TNPO1: variants seen among roughly 807,000 people sequenced by gnomAD.
The protein encoded by TNPO1 is transportin-1.
TNPO1 carries 8 observed loss-of-function variants against 119.5 expected under a neutral mutation model. That is an observed-to-expected ratio of 0.07 (90% CI 0.04 to 0.12). TNPO1 has a LOEUF of 0.12. TNPO1 is among the 10% of genes least tolerant of loss of function. The probability of loss-of-function intolerance (pLI) is 1.00; values close to 1 mark genes in which losing one functional copy is unlikely to be tolerated. For synonymous variants in TNPO1, 362 were observed against 363.0 expected (o/e 1.00, Z 0.03); for missense variants, 576 against 1,089.8 (o/e 0.53, Z 6.64).
chr5:72,876,397 G>A (rs748948207), intron 8 of TNPO1, among the ~76,000 whole-genome samples: 1 of 152,232 alleles, frequency 6.6e-6, no homozygotes, highest in Admixed American at 6.5e-5. Context: ...AATCACGTGA[G>A]TGAATTTGGC....
intron 1 of TNPO1, among the ~76,000 whole-genome samples, chr5:72,829,618 C>G (rs1472282268): frequency 6.6e-6 from 1 of 152,190 alleles, no homozygotes; most frequent in South Asian, 2.1e-4. Context: ...TGAAGTATGA[C>G]TATTCCTTGT....
intron 5 of TNPO1, among the ~76,000 whole-genome samples, chr5:72,864,152 TAACA>T (rs1214866903): frequency 6.6e-6 from 1 of 152,180 alleles, no homozygotes; most frequent in African/African-American, 2.4e-5. Context: ...AAAAAAACCT[TAACA>T]ATTGAATATG....
intron 3 of TNPO1, among the ~76,000 whole-genome samples, chr5:72,855,151 A>G (rs566739408): frequency 4.1e-4 from 62 of 152,068 alleles, no homozygotes; most frequent in Admixed American, 1.4e-3. Context: ...ACACACCACC[A>G]TGCCTGGCTA....
intron 9 of TNPO1, chr5:72,878,927 G>A (rs1748025964): frequency 2.0e-6 from 1 of 509,046 alleles, no homozygotes. Context: ...TCAGCAGGAA[G>A]ATTGCTTTGA....
intron 21 of TNPO1, among the ~76,000 whole-genome samples, 168 bp downstream of exon 21, chr5:72,900,249 C>T (rs1228328679): frequency 6.6e-6 from 1 of 152,062 alleles, no homozygotes; most frequent in Non-Finnish European, 1.5e-5. Flanking sequence ...TCAATAGCAT[C>T]GTCATGTATA....
At position 72,893,720 on chromosome 5, in the gene TNPO1, CT is replaced by C; in HGVS notation, c.2143+18del. 6.2e-7 allele frequency: 1 copy of C among 1,605,830 alleles called. No individual in the cohort carries two copies. Among genetic ancestry groups the C allele is most frequent in the Non-Finnish European group, 8.5e-7 (1 of 1,173,126 alleles). On this transcript the variant is annotated intron_variant, in intron 18 of 24. Transcript: ENST00000337273. ...CTTGTATAGGTATGAATATTTTCTACTGCTATGAATATGGTTTTTTAAAGTT... is the reference window on the plus strand; with the variant it reads ...CTTGTATAGGTATGAATATTTTCTACGCTATGAATATGGTTTTTTAAAGTT...
At chr5:72,891,614 G>T (rs576209652) in intron 14 of TNPO1, among the ~76,000 whole-genome samples, 196 bp from the exon 15 acceptor site, 1 of 152,204 alleles carries the variant, frequency 6.6e-6, no homozygotes, top group Admixed American at 6.5e-5. Context: ...CTAGAACACG[G>T]TCATGTAAGT....
At chr5:72,900,424 T>C (rs1212245285) in intron 21 of TNPO1, among the ~76,000 whole-genome samples, 2 of 152,198 alleles carry the variant, frequency 1.3e-5, no homozygotes, top group Admixed American at 1.3e-4. Flanking sequence ...ATTACGTTTC[T>C]TTTTTAGAAT....
intron 8 of TNPO1, among the ~76,000 whole-genome samples, chr5:72,876,823 G>A (rs934045980): frequency 3.9e-5 from 6 of 152,122 alleles, no homozygotes; most frequent in South Asian, 2.1e-4. Context: ...GGCCGGGTGC[G>A]GTGGCTCACA....
chr5:72,828,468 A>G (rs947716018), intron 1 of TNPO1, among the ~76,000 whole-genome samples: 1 of 152,158 alleles, frequency 6.6e-6, no homozygotes, highest in African/African-American at 2.4e-5. Flanking sequence ...GGATTCACCA[A>G]TTTTTAACAT....
In TNPO1 at chr5:72,883,133, A is replaced by G; in HGVS notation, c.1051A>G (p.Arg351Gly). 6.2e-7 allele frequency: 1 copy of G among 1,614,108 alleles called. No homozygotes were observed. The highest frequency in any genetic ancestry group is 8.5e-7 in the Non-Finnish European group (1 of 1,179,972). ...QDIRPRFHRS[R>G]TVAQQHDEDG... The stretch of plus-strand genomic sequence containing the variant: ...TATACGGCCACGTTTTCACCGATCG[A>G]GGACGGTGGCTCAGCAGCATGATGA... The change falls in exon 11 of 25, where the codon AGG (arginine) becomes GGG (glycine). Residue 351 changes from arginine (R) to glycine (G), a missense_variant. Transcript: ENST00000337273.
At chr5:72,819,389 G>A (rs1042544908) in intron 1 of TNPO1, among the ~76,000 whole-genome samples, 1 of 152,212 alleles carries the variant, frequency 6.6e-6, no homozygotes, top group Admixed American at 6.5e-5. Context: ...AGTTAGGAGA[G>A]GTTTTCAAAA....
At chr5:72,836,328 C>G (rs1252714417) in intron 1 of TNPO1, among the ~76,000 whole-genome samples, 1 of 152,290 alleles carries the variant, frequency 6.6e-6, no homozygotes, top group East Asian at 1.9e-4. Context: ...AACAGTGCTC[C>G]CCACAGCTTA....
intron 11 of TNPO1, among the ~76,000 whole-genome samples, chr5:72,883,972 A>G (rs1748440745): frequency 6.6e-6 from 1 of 151,616 alleles, no homozygotes. Context: ...CTGGTCTTGA[A>G]CTGTTGGGCT....
chr5:72,857,417 G>A (rs1746089467), intron 4 of TNPO1, among the ~76,000 whole-genome samples: 1 of 151,942 alleles, frequency 6.6e-6, no homozygotes, highest in Non-Finnish European at 1.5e-5. Flanking sequence ...AGATATTCTT[G>A]TATTAAACAG....
At chr5:72,902,229 A>T (rs980066817) in intron 22 of TNPO1, among the ~76,000 whole-genome samples, 12 of 151,830 alleles carry the variant, frequency 7.9e-5, no homozygotes, top group Non-Finnish European at 1.6e-4. Flanking sequence ...GAAACTTTCC[A>T]CTCCGAGAGG....
chr5:72,903,658 G>A (rs1749943319), intron 22 of TNPO1, 51 bp from the exon 23 acceptor site: 1 of 1,260,382 alleles, frequency 7.9e-7, no homozygotes, highest in Non-Finnish European at 1.1e-6. Flanking sequence ...ATCTTTTGCT[G>A]AGTTTGACAA....
intron 12 of TNPO1, among the ~76,000 whole-genome samples, chr5:72,887,783 G>T (rs1748764092): frequency 6.6e-6 from 1 of 152,120 alleles, no homozygotes. Flanking sequence ...GATTCTTTAG[G>T]TAAGTATAGG....
chr5:72,818,881 T>C (rs1313763245), intron 1 of TNPO1, among the ~76,000 whole-genome samples: 1 of 151,880 alleles, frequency 6.6e-6, no homozygotes, highest in African/African-American at 2.4e-5. Context: ...CCCCTGGAGG[T>C]TGAGGATTTT....
Sources: allele counts gnomAD v4.1 joint callset (sites outside exome capture counted in the v4.1 genomes callset), GRCh38; gene constraint gnomAD v4.1.1; transcripts MANE v1.5; gene names NCBI Gene and HGNC (gene_info 2026-07-23, HGNC 2026-07-21).